Variants in NRXN3 observed in about 807,000 individuals in gnomAD.
NRXN3 encodes neurexin III.
A neutral mutation model predicts 137.6 loss-of-function variants in NRXN3; 32 were observed. That is an observed-to-expected ratio of 0.23 (90% CI 0.18 to 0.31). The LOEUF (loss-of-function observed/expected upper bound fraction) is 0.31, where lower values mean the gene tolerates loss of function less well. NRXN3 is among the 10% of genes least tolerant of loss of function. NRXN3 has a pLI of 1.00. For synonymous variants in NRXN3, 798 were observed against 784.5 expected, an observed-to-expected ratio of 1.02 and a Z score of -0.29; for missense variants, 1,574 against 2,062.5, an observed-to-expected ratio of 0.76 and a Z score of 4.59.
At chr14:79,069,037 T>C (rs1484735078) in intron 15 of NRXN3, among the ~76,000 whole-genome samples, 2 of 152,108 alleles carry the variant, frequency 1.3e-5, no homozygotes, top group Non-Finnish European at 2.9e-5. Flanking sequence ...TGAAATGATA[T>C]GGTTCCCACT....
At chr14:79,279,159 C>A (rs1484597070) in intron 15 of NRXN3, among the ~76,000 whole-genome samples, 1 of 152,080 alleles carries the variant, frequency 6.6e-6, no homozygotes, top group African/African-American at 2.4e-5. Context: ...GGGAGCCGCG[C>A]GAGCGAGAGG....
chr14:79,130,032 T>G (rs1404891627), intron 15 of NRXN3, among the ~76,000 whole-genome samples: 1 of 152,116 alleles, frequency 6.6e-6, no homozygotes, highest in Non-Finnish European at 1.5e-5. Flanking sequence ...ATTTGCTTGG[T>G]AGATCTTCCT....
intron 14 of NRXN3, among the ~76,000 whole-genome samples, chr14:78,981,671 T>C (rs2099489805): frequency 1.3e-5 from 2 of 152,212 alleles, no homozygotes; most frequent in African/African-American, 4.8e-5. Flanking sequence ...AAGCATTTAG[T>C]ATAGTGTCTG....
intron 12 of NRXN3, among the ~76,000 whole-genome samples, chr14:78,966,736 A>G (rs796325270): frequency 2.8e-4 from 43 of 152,358 alleles, no homozygotes; most frequent in African/African-American, 9.6e-4. Flanking sequence ...ATTACTAACT[A>G]CAACCACCCA....
intron 19 of NRXN3, among the ~76,000 whole-genome samples, chr14:79,768,763 G>A (rs2099065748): frequency 6.6e-6 from 1 of 152,246 alleles, no homozygotes; most frequent in Admixed American, 6.5e-5. Flanking sequence ...ACGGAACAAA[G>A]CTGGACAGAG....
intron 15 of NRXN3, among the ~76,000 whole-genome samples, chr14:79,359,430 A>T (rs1423992861): frequency 6.6e-6 from 1 of 152,164 alleles, no homozygotes; most frequent in Admixed American, 6.5e-5. Flanking sequence ...TGCTCTAATA[A>T]TTAGCATTAT....
intron 10 of NRXN3, among the ~76,000 whole-genome samples, chr14:78,905,372 C>G (rs987145566): frequency 1.3e-5 from 2 of 152,088 alleles, no homozygotes; most frequent in Non-Finnish European, 2.9e-5. Flanking sequence ...TTTATAGGAA[C>G]ATACTTTGTC....
At chr14:78,818,266 C>T (rs936293916) in intron 10 of NRXN3, among the ~76,000 whole-genome samples, 4 of 151,974 alleles carry the variant, frequency 2.6e-5, no homozygotes, top group African/African-American at 7.2e-5. Flanking sequence ...TGATATCTGC[C>T]ACTGTATGAT....
intron 4 of NRXN3, among the ~76,000 whole-genome samples, chr14:78,445,946 A>G (rs1283970499): frequency 6.6e-6 from 1 of 151,996 alleles, no homozygotes; most frequent in Non-Finnish European, 1.5e-5. Flanking sequence ...TGCTTGTGGG[A>G]GAGTGGGGGT....
At chr14:79,606,597 T>A (rs1158343696) in intron 16 of NRXN3, among the ~76,000 whole-genome samples, 2 of 152,244 alleles carry the variant, frequency 1.3e-5, no homozygotes, top group Non-Finnish European at 2.9e-5. Context: ...GTATTATGAT[T>A]CTTTCATAGC....
intron 2 of NRXN3, among the ~76,000 whole-genome samples, chr14:78,271,903 AC>A (rs1330218081): frequency 6.6e-6 from 1 of 152,198 alleles, no homozygotes; most frequent in Non-Finnish European, 1.5e-5. Flanking sequence ...GAGCTCAGAC[AC>A]TGAGAGCCAG....
intron 15 of NRXN3, among the ~76,000 whole-genome samples, chr14:79,135,187 T>A (rs980158722): frequency 1.3e-5 from 2 of 152,200 alleles, no homozygotes; most frequent in Admixed American, 1.3e-4. Flanking sequence ...AAGGATCTGT[T>A]TATTTGTATG....
chr14:78,715,201 TCCC>T, intron 8 of NRXN3, 62 bp downstream of exon 8: 1 of 1,559,910 alleles, frequency 6.4e-7, no homozygotes, highest in Non-Finnish European at 8.7e-7. Context: ...TACAGTTGGA[TCCC>T]TGGGCAGCCC....
In NRXN3 at chr14:79,748,589, C is replaced by T. The variant is rs370788871; in HGVS notation, c.4014+50652C>T. On this transcript the variant is annotated intron_variant, in intron 19 of 20. Transcript: ENST00000335750. ...CTCCTGCACAGTGCTGAGTTATGGA[C>T]GATGCATTTGAAGCCATATATTCAC... Among the ~76,000 whole-genome samples, 195 of 152,190 alleles carry T rather than the reference C, an allele frequency of 1.3e-3. 1 individual carries two copies. The highest frequency in any genetic ancestry group is 3.6e-3 in the African/African-American group (150 of 41,536).
chr14:79,372,862 T>A (rs1044681034), intron 15 of NRXN3, among the ~76,000 whole-genome samples: 1 of 152,156 alleles, frequency 6.6e-6, no homozygotes, highest in Admixed American at 6.5e-5. Context: ...ATTTTTATCG[T>A]GCATATCACA....
chr14:78,690,185 C>T (rs963827115), intron 6 of NRXN3, among the ~76,000 whole-genome samples: 1 of 152,128 alleles, frequency 6.6e-6, no homozygotes, highest in Non-Finnish European at 1.5e-5. Flanking sequence ...TATTCCACTC[C>T]AATGATCCCT....
intron 16 of NRXN3, among the ~76,000 whole-genome samples, chr14:79,489,916 G>A (rs1314013816): frequency 5.9e-5 from 9 of 151,590 alleles, no homozygotes; most frequent in African/African-American, 1.7e-4. Flanking sequence ...GCAGGCACCT[G>A]TAGTCCCAGC....
intron 15 of NRXN3, among the ~76,000 whole-genome samples, chr14:79,202,596 AGC>A (rs1488174223): frequency 2.6e-5 from 4 of 152,128 alleles, no homozygotes; most frequent in African/African-American, 9.7e-5. Context: ...GCGTCCTCAT[AGC>A]TTAGTTCCCA....
intron 4 of NRXN3, among the ~76,000 whole-genome samples, chr14:78,311,408 C>T (rs2077966140): frequency 6.6e-6 from 1 of 152,204 alleles, no homozygotes; most frequent in Non-Finnish European, 1.5e-5. Context: ...AAGAGGGAAT[C>T]ATTAGTCTCT....
Sources: gnomAD v4.1 joint callset for allele counts (sites outside exome capture counted in the v4.1 genomes callset) on GRCh38, gnomAD v4.1.1 for gene constraint, MANE v1.5 for transcripts, NCBI Gene and HGNC (gene_info 2026-07-23, HGNC 2026-07-21) for gene names.